Variants in MYO1B observed in about 807,000 individuals in gnomAD.
MYO1B encodes unconventional myosin-Ib.
A neutral mutation model predicts 159.7 loss-of-function variants in MYO1B; 72 were observed. The ratio of observed to expected loss-of-function variants is 0.45; its 90% CI spans 0.37 to 0.55. MYO1B has a LOEUF of 0.55. Among genes scored for constraint, MYO1B ranks in the 20% least tolerant of loss-of-function variants. The pLI is 0.00. For synonymous variants in MYO1B, 468 were observed against 473.8 expected, an observed-to-expected ratio of 0.99 and a Z score of 0.16; for missense variants, 1,062 against 1,364.8, an observed-to-expected ratio of 0.78 and a Z score of 3.50.
At position 191,276,985 on chromosome 2, in the gene MYO1B, C is replaced by T. The variant is rs1687791518; in HGVS notation, c.90C>T (p.Thr30=). 6.2e-7 allele frequency: 1 copy of T among 1,613,872 alleles called. No homozygotes were observed. Among genetic ancestry groups the T allele is most frequent in the Non-Finnish European group, 8.5e-7 (1 of 1,179,940 alleles). ...TTTTAGAACCTCTCAATGAGGAGAC[C>T]TTCATCAACAACCTCAAGAAGCGCT... ...MVLLEPLNEE[T]FINNLKKRFD... The change falls in exon 2 of 31, where the codon ACC becomes ACT. Residue 30 remains threonine, a synonymous_variant. Transcript: ENST00000392318.
chr2:191,326,815 T>TGTGTGTGTGTGCGC (rs1193696593), intron 3 of MYO1B, among the ~76,000 whole-genome samples: 1 of 143,880 alleles, frequency 7.0e-6, no homozygotes, highest in Admixed American at 7.0e-5. Context: ...TGTGTGTGTG[T>TGTGTGTGTGTGCGC]GCGCGCGCCA....
intron 1 of MYO1B, among the ~76,000 whole-genome samples, chr2:191,265,009 GT>G (rs943640147): frequency 2.6e-5 from 4 of 151,976 alleles, no homozygotes; most frequent in African/African-American, 9.7e-5. Context: ...TCTTGTGGAT[GT>G]TTTTTCCAGA....
intron 7 of MYO1B, among the ~76,000 whole-genome samples, chr2:191,359,312 G>GTT (rs3053692): frequency 0.16 from 22,175 of 134,652 alleles, 2,672 homozygotes; most frequent in African/African-American, 0.33. Context: ...AACCTTTGGG[G>GTT]TTTTTTTTTT....
intron 6 of MYO1B, among the ~76,000 whole-genome samples, chr2:191,349,919 T>A (rs139974470): frequency 1.6e-3 from 240 of 152,354 alleles, no homozygotes; most frequent in Non-Finnish European, 3.1e-3. Flanking sequence ...AATCACATGA[T>A]GGCTGAGAAG....
chr2:191,296,023 G>T (rs915083061), intron 2 of MYO1B, 88 bp from the exon 3 acceptor site: 3 of 612,542 alleles, frequency 4.9e-6, no homozygotes, highest in Admixed American at 3.8e-5. Flanking sequence ...GATTTTAAAA[G>T]GTTGAAACCA....
At chr2:191,351,287 G>A (rs1692908682) in intron 7 of MYO1B, among the ~76,000 whole-genome samples, 1 of 151,884 alleles carries the variant, frequency 6.6e-6, no homozygotes, top group Admixed American at 6.6e-5. Context: ...ATGTTATGCT[G>A]AACCCCAAAG....
At chr2:191,401,669 T>C (rs1008261592) in intron 23 of MYO1B, 1 of 152,216 alleles carries the variant, frequency 6.6e-6, no homozygotes, top group Non-Finnish European at 1.5e-5. Flanking sequence ...TAAGCCTATC[T>C]TATGAGAAAA....
At chr2:191,380,483 G>C (rs1278451542) in intron 13 of MYO1B, among the ~76,000 whole-genome samples, 2 of 152,146 alleles carry the variant, frequency 1.3e-5, no homozygotes, top group Admixed American at 6.5e-5. Flanking sequence ...CCATCTTTGG[G>C]CGATAAAGAA....
intron 10 of MYO1B, 31 bp from the exon 11 acceptor site, chr2:191,364,127 C>T: frequency 6.4e-7 from 1 of 1,565,748 alleles, no homozygotes. Context: ...TGTACAGTCA[C>T]TTTTTGTGTC....
intron 30 of MYO1B, among the ~76,000 whole-genome samples, chr2:191,418,140 G>T (rs1025457246): frequency 6.6e-6 from 1 of 152,182 alleles, no homozygotes; most frequent in African/African-American, 2.4e-5. Context: ...ACTCTACATA[G>T]CACCCGTGGG....
At chr2:191,247,278 CT>C (rs1296311332) in intron 1 of MYO1B, among the ~76,000 whole-genome samples, 1 of 152,118 alleles carries the variant, frequency 6.6e-6, no homozygotes. Flanking sequence ...CTTTGACAAG[CT>C]GAGGGTCCGC....
intron 1 of MYO1B, among the ~76,000 whole-genome samples, chr2:191,260,330 C>T (rs1014475407): frequency 7.5e-6 from 1 of 132,712 alleles, no homozygotes; most frequent in Non-Finnish European, 1.6e-5. Context: ...GCCTTATATG[C>T]ATGGTACTGG....
Position 191,402,636 on chromosome 2 carries a change from G to A in MYO1B, c.2474G>A (p.Arg825Gln), listed in dbSNP as rs185761535. The A allele has an allele frequency of 8.5e-4, 1,376 of 1,613,474 alleles. 11 individuals are homozygous for A. The African/African-American group carries it at 0.015, about 17-fold the overall frequency. Reference sequence around the variant, plus strand: ...TTACTATCTAAAACATTCTAGGCTCGAAGGGAATTGAAACGCTTGAAGGAG... The same window carrying A: ...TTACTATCTAAAACATTCTAGGCTCAAAGGGAATTGAAACGCTTGAAGGAG... ...IWAYWLGSKA[R>Q]RELKRLKEEA... The change falls in exon 24 of 31, where the codon CGA becomes CAA. Residue 825 changes from arginine to glutamine, a missense_variant. Coordinates refer to ENST00000392318, the MANE Select transcript of MYO1B (RefSeq NM_001130158.3).
intron 13 of MYO1B, among the ~76,000 whole-genome samples, chr2:191,375,856 G>C (rs538162410): frequency 6.6e-6 from 1 of 152,074 alleles, no homozygotes; most frequent in South Asian, 2.1e-4. Flanking sequence ...CTACTTGGGA[G>C]GCTGAGGCAG....
At position 191,381,217 on chromosome 2, in the gene MYO1B, A is replaced by G. The variant is rs1372427989; in HGVS notation, c.1186-245A>G. On this transcript the variant is annotated intron_variant, in intron 13 of 30. Transcript: ENST00000392318. Reference sequence around the variant, plus strand: ...TTCTGTTTGGGGTGCTTCTCTGTCAACTAAAAGTCTTCATCCTTCAAATAT... The same window carrying G: ...TTCTGTTTGGGGTGCTTCTCTGTCAGCTAAAAGTCTTCATCCTTCAAATAT... The G allele has an allele frequency of 4.0e-5, 21 of 519,028 alleles. No individual in the cohort carries two copies. In the East Asian group the frequency reaches 7.3e-4, roughly 18 times the overall value. The allele number at this position is 519,028 out of a possible 1,614,324, so 32.2% of individuals were successfully genotyped here.
chr2:191,359,312 G>GGT (rs1553551577), intron 7 of MYO1B, among the ~76,000 whole-genome samples: 28 of 134,736 alleles, frequency 2.1e-4, no homozygotes, highest in African/African-American at 7.6e-4. Flanking sequence ...AACCTTTGGG[G>GGT]TTTTTTTTTT....
intron 30 of MYO1B, among the ~76,000 whole-genome samples, chr2:191,420,033 T>C (rs1697839692): frequency 6.6e-6 from 1 of 151,862 alleles, no homozygotes; most frequent in South Asian, 2.1e-4. Flanking sequence ...AAACCCCTTC[T>C]CAACAAAAAA....
At chr2:191,285,868 C>T (rs1381376247) in intron 2 of MYO1B, among the ~76,000 whole-genome samples, 1 of 152,040 alleles carries the variant, frequency 6.6e-6, no homozygotes, top group Non-Finnish European at 1.5e-5. Context: ...CCCTCAGGTC[C>T]CAGATTTGTT....
chr2:191,407,448 A>ACTCCAC (rs1696992528), intron 24 of MYO1B, among the ~76,000 whole-genome samples: 1 of 152,156 alleles, frequency 6.6e-6, no homozygotes, highest in South Asian at 2.1e-4. Context: ...TTATACAAAC[A>ACTCCAC]CTCCACTTTG....
Sources: gnomAD v4.1 joint callset for allele counts (sites outside exome capture counted in the v4.1 genomes callset) on GRCh38, gnomAD v4.1.1 for gene constraint, MANE v1.5 for transcripts, NCBI Gene and HGNC (gene_info 2026-07-23, HGNC 2026-07-21) for gene names.